KCNMA1: variants seen among roughly 807,000 people sequenced by gnomAD.
KCNMA1 encodes the protein potassium calcium-activated channel subfamily M alpha 1.
In KCNMA1, 29 loss-of-function variants were observed where a neutral mutation model predicts 140.0. The ratio of observed to expected loss-of-function variants is 0.21; its 90% CI spans 0.15 to 0.28. The LOEUF (loss-of-function observed/expected upper bound fraction) is 0.28, where lower values mean the gene tolerates loss of function less well. Among genes scored for constraint, KCNMA1 ranks in the 10% least tolerant of loss-of-function variants. KCNMA1 has a pLI of 1.00. For missense variants in KCNMA1, 880 were observed against 1,602.2 expected, an observed-to-expected ratio of 0.55 and a Z score of 7.70; for synonymous variants, 612 against 611.9, an observed-to-expected ratio of 1.00 and a Z score of 0.00.
intron 1 of KCNMA1, among the ~76,000 whole-genome samples, chr10:77,481,764 G>A (rs35789): frequency 0.56 from 81,093 of 145,202 alleles, 22,417 homozygotes; most frequent in East Asian, 0.79. Flanking sequence ...AACAGAGAGA[G>A]ACTCTGTCTC....
At chr10:76,926,717 T>G (rs2057797528) in intron 23 of KCNMA1, among the ~76,000 whole-genome samples, 1 of 152,204 alleles carries the variant, frequency 6.6e-6, no homozygotes, top group Non-Finnish European at 1.5e-5. Context: ...CAGGAATGTC[T>G]GTGGAGTCAT....
intron 2 of KCNMA1, among the ~76,000 whole-genome samples, chr10:77,361,744 T>A (rs1266584738): frequency 2.0e-5 from 3 of 152,236 alleles, no homozygotes; most frequent in Non-Finnish European, 4.4e-5. Flanking sequence ...GCCCAGGGCC[T>A]TTCTGCGGCC....
chr10:77,243,314 C>G (rs2057756711), intron 3 of KCNMA1, among the ~76,000 whole-genome samples: 1 of 152,212 alleles, frequency 6.6e-6, no homozygotes, highest in African/African-American at 2.4e-5. Flanking sequence ...CCTGATCTCT[C>G]AGCAGTCTCT....
chr10:77,124,611 AC>A (rs2097694220), intron 5 of KCNMA1, among the ~76,000 whole-genome samples: 1 of 152,110 alleles, frequency 6.6e-6, no homozygotes, highest in African/African-American at 2.4e-5. Context: ...CAGGAGCAAG[AC>A]CCCTGTGGGC....
At chr10:77,206,043 T>C (rs548711341) in intron 3 of KCNMA1, among the ~76,000 whole-genome samples, 9 of 152,204 alleles carry the variant, frequency 5.9e-5, no homozygotes, top group African/African-American at 1.2e-4. Flanking sequence ...AACATGACAG[T>C]ATGGTGTGAA....
intron 22 of KCNMA1, among the ~76,000 whole-genome samples, chr10:76,947,974 A>G (rs1427994090): frequency 1.4e-5 from 2 of 143,736 alleles, no homozygotes; most frequent in African/African-American, 5.3e-5. Context: ...TAACATGTAG[A>G]GAAATCCATG....
chr10:77,380,356 G>A (rs1017163125), intron 2 of KCNMA1, among the ~76,000 whole-genome samples: 2 of 152,102 alleles, frequency 1.3e-5, no homozygotes, highest in African/African-American at 4.8e-5. Context: ...GCCCAGCCTG[G>A]TCTCTAATTT....
chr10:76,886,299 G>A lies in KCNMA1; in HGVS notation c.*967C>T, dbSNP rs200428756. ...TGGAAAAATACTTGCTCTTTCCTGA[G>A]CATTATTTATTCTGTACATAAGGTA... is the stretch of plus-strand genomic sequence containing the variant. On this transcript the variant is annotated 3_prime_UTR_variant, in exon 28 of 28. Transcript: ENST00000286628. 3 of 985,162 alleles carry A rather than the reference G, an allele frequency of 3.0e-6. No individual in the cohort carries two copies. The African/African-American group carries it at 5.2e-5, about 17-fold the overall frequency. The allele number at this position is 985,162 out of a possible 1,614,324, so 61.0% of individuals were successfully genotyped here.
intron 1 of KCNMA1, among the ~76,000 whole-genome samples, chr10:77,522,090 A>G (rs1248005272): frequency 6.6e-6 from 1 of 151,992 alleles, no homozygotes; most frequent in Non-Finnish European, 1.5e-5. Context: ...CAGGAGAATC[A>G]CTTGAACCCA....
At chr10:76,924,800 A>T (rs974253735) in intron 23 of KCNMA1, among the ~76,000 whole-genome samples, 1 of 152,166 alleles carries the variant, frequency 6.6e-6, no homozygotes, top group Non-Finnish European at 1.5e-5. Flanking sequence ...GAGCTACTCA[A>T]TCTCAGAGCA....
intron 1 of KCNMA1, among the ~76,000 whole-genome samples, chr10:77,522,725 C>T (rs2053923051): frequency 6.6e-6 from 1 of 152,190 alleles, no homozygotes; most frequent in Admixed American, 6.5e-5. Context: ...AAGGTGCAAA[C>T]TCTGCCAAGC....
intron 23 of KCNMA1, among the ~76,000 whole-genome samples, chr10:76,929,779 C>T (rs2058792822): frequency 1.3e-5 from 2 of 152,122 alleles, no homozygotes; most frequent in Non-Finnish European, 2.9e-5. Flanking sequence ...CAGGTGAGTG[C>T]AATGTGCAGC....
chr10:77,239,044 C>G (rs2056484999), intron 3 of KCNMA1, among the ~76,000 whole-genome samples: 3 of 152,232 alleles, frequency 2.0e-5, no homozygotes, highest in Admixed American at 2.0e-4. Flanking sequence ...TTGTCTACTC[C>G]TCAGCCTCAC....
chr10:77,240,033 T>A (rs1445782904), intron 3 of KCNMA1, among the ~76,000 whole-genome samples: 1 of 152,198 alleles, frequency 6.6e-6, no homozygotes, highest in Non-Finnish European at 1.5e-5. Context: ...ACACTTAGTA[T>A]AATCAACTCT....
Position 77,121,052 on chromosome 10 carries a change from G to A in KCNMA1, c.809-4C>T. 1 of 1,569,910 alleles carries A rather than the reference G, an allele frequency of 6.4e-7. No individual in the cohort carries two copies. Among genetic ancestry groups the A allele is most frequent in the Non-Finnish European group, 8.7e-7 (1 of 1,143,098 alleles). ...AGAGCTCTTAAAAATCTCAAACCTG[G>A]AAAAAAGAATGAAATAGAGATGCAT... On this transcript the variant is annotated splice_region_variant and splice_polypyrimidine_tract_variant and intron_variant, in intron 5 of 27. Transcript: ENST00000286628.
chr10:77,425,855 A>T (rs888399724), intron 1 of KCNMA1, among the ~76,000 whole-genome samples: 2 of 152,168 alleles, frequency 1.3e-5, no homozygotes, highest in Non-Finnish European at 2.9e-5. Flanking sequence ...AGCACTTCAA[A>T]TAGGCACCTG....
intron 3 of KCNMA1, chr10:77,249,865 G>C (rs2059361220): frequency 6.6e-6 from 1 of 152,190 alleles, no homozygotes. Context: ...GATGGAGGGA[G>C]CATGTGGAAT....
chr10:77,461,511 C>T (rs1158736990), intron 1 of KCNMA1, among the ~76,000 whole-genome samples: 1 of 152,184 alleles, frequency 6.6e-6, no homozygotes, highest in Non-Finnish European at 1.5e-5. Context: ...TGTCTTGATT[C>T]ATGATTCAGT....
At position 77,286,711 on chromosome 10, in the gene KCNMA1, T is replaced by A. The variant is rs191897361; in HGVS notation, c.541-35455A>T. Among the ~76,000 whole-genome samples, 9 of 150,714 alleles carry A rather than the reference T, an allele frequency of 6.0e-5. No homozygotes were observed. In the East Asian group the frequency reaches 1.4e-3, roughly 24 times the overall value. The stretch of plus-strand genomic sequence containing the variant: ...ATTCCCCTAGCCAGCAGCAATCTTA[T>A]TAGCATATCCGTAAGTCTTTGCAAA... On this transcript the variant is annotated intron_variant, in intron 2 of 27. Transcript: ENST00000286628.
Sources: allele counts gnomAD v4.1 joint callset (sites outside exome capture counted in the v4.1 genomes callset), GRCh38; gene constraint gnomAD v4.1.1; transcripts MANE v1.5; gene names NCBI Gene and HGNC (gene_info 2026-07-23, HGNC 2026-07-21).